TOX: variants seen among roughly 807,000 people sequenced by gnomAD.
TOX encodes the protein thymocyte selection associated high mobility group box.
A neutral mutation model predicts 53.7 loss-of-function variants in TOX; 11 were observed. That is an observed-to-expected ratio of 0.20 (90% CI 0.13 to 0.34). TOX has a LOEUF of 0.34. Among genes scored for constraint, TOX ranks in the 10% least tolerant of loss-of-function variants. The pLI is 1.00. For missense variants in TOX, 570 were observed against 664.6 expected (o/e 0.86, Z 1.56); for synonymous variants, 225 against 245.3 (o/e 0.92, Z 0.77).
At chr8:59,002,683 G>A (rs903605788) in intron 1 of TOX, among the ~76,000 whole-genome samples, 1 of 151,872 alleles carries the variant, frequency 6.6e-6, no homozygotes, top group African/African-American at 2.4e-5. Flanking sequence ...CATTTAGCAT[G>A]TATATGTCAC....
At chr8:58,995,219 A>T (rs1259598283) in intron 1 of TOX, among the ~76,000 whole-genome samples, 1 of 152,226 alleles carries the variant, frequency 6.6e-6, no homozygotes, top group Non-Finnish European at 1.5e-5. Context: ...AGCATTTATT[A>T]CAAATCCCAA....
intron 3 of TOX, among the ~76,000 whole-genome samples, chr8:58,923,194 T>C (rs13261596): frequency 0.043 from 6,496 of 152,184 alleles, 235 homozygotes; most frequent in East Asian, 0.2. Context: ...GTGTGGAGAA[T>C]GTATCATGGA....
At chr8:59,092,351 T>C (rs911287078) in intron 1 of TOX, among the ~76,000 whole-genome samples, 1 of 135,388 alleles carries the variant, frequency 7.4e-6, no homozygotes, top group African/African-American at 2.9e-5. Flanking sequence ...ATACATTATA[T>C]ATATTATATA....
At chr8:58,813,728 G>A (rs1810123456) in intron 7 of TOX, among the ~76,000 whole-genome samples, 1 of 152,162 alleles carries the variant, frequency 6.6e-6, no homozygotes, top group African/African-American at 2.4e-5. Context: ...AATCATCATA[G>A]CTTTAACAGT....
At chr8:59,010,661 A>G (rs1033118045) in intron 1 of TOX, among the ~76,000 whole-genome samples, 17 of 152,358 alleles carry the variant, frequency 1.1e-4, no homozygotes, top group African/African-American at 3.8e-4. Flanking sequence ...AACTGGGATA[A>G]TAATACCTAC....
intron 1 of TOX, among the ~76,000 whole-genome samples, chr8:59,005,373 T>C (rs1030278427): frequency 2.6e-5 from 4 of 152,180 alleles, no homozygotes. Flanking sequence ...TTTTTGAAAA[T>C]GATTACAAGT....
chr8:58,876,468 TG>T (rs1563376981), intron 3 of TOX, among the ~76,000 whole-genome samples: 1 of 151,684 alleles, frequency 6.6e-6, no homozygotes, highest in Non-Finnish European at 1.5e-5. Flanking sequence ...AATGCTGGGG[TG>T]GGGGGAAAGG....
intron 1 of TOX, among the ~76,000 whole-genome samples, chr8:59,086,280 C>T (rs1220557921): frequency 6.6e-6 from 1 of 152,078 alleles, no homozygotes; most frequent in African/African-American, 2.4e-5. Context: ...CCACCATACC[C>T]GGACTAAAGC....
intron 1 of TOX, among the ~76,000 whole-genome samples, chr8:58,997,273 T>C (rs1165573110): frequency 1.5e-5 from 2 of 137,678 alleles, no homozygotes; most frequent in Non-Finnish European, 3.2e-5. Context: ...GTGAAAGTTA[T>C]CGTGAAGATG....
At chr8:59,038,018 A>G (rs988862283) in intron 1 of TOX, among the ~76,000 whole-genome samples, 1 of 152,152 alleles carries the variant, frequency 6.6e-6, no homozygotes, top group Non-Finnish European at 1.5e-5. Flanking sequence ...TAGTGTCTCT[A>G]TGACTTTTGA....
In TOX at chr8:59,118,765, C is replaced by G. The variant is rs1020712858; in HGVS notation, c.102+121G>C. 1.9e-6 allele frequency: 1 copy of G among 539,844 alleles called. No individual in the cohort carries two copies. The highest frequency in any genetic ancestry group is 3.0e-6 in the Non-Finnish European group (1 of 330,826). The allele number at this position is 539,844 out of a possible 1,614,324, so 33.4% of individuals were successfully genotyped here. A position where few individuals can be genotyped will look rare whatever the true frequency, so the allele number is the denominator to read the frequency against. On this transcript the variant is annotated intron_variant, in intron 1 of 8. Transcript: ENST00000361421. This position sits in a 1 kb window ranked among gnomAD's most constrained non-coding sequence, Gnocchi z 4.1. ...AGCGCACGCAGGCTGCAGCGGGCTG[C>G]GAGCCGAGCGCGCCCGGGACCGGCC...
chr8:59,093,232 G>GT (rs1429543027), intron 1 of TOX, among the ~76,000 whole-genome samples: 3 of 152,200 alleles, frequency 2.0e-5, no homozygotes, highest in Non-Finnish European at 4.4e-5. Flanking sequence ...CTTACTGGTT[G>GT]TGAGTTCTTT....
intron 3 of TOX, among the ~76,000 whole-genome samples, chr8:58,914,391 T>C (rs893652860): frequency 6.6e-6 from 1 of 152,360 alleles, no homozygotes; most frequent in Non-Finnish European, 1.5e-5. Flanking sequence ...TTTTGCAGTA[T>C]GCTTTTAAGA....
chr8:58,987,648 T>A (rs1813358524), intron 1 of TOX, among the ~76,000 whole-genome samples: 1 of 152,180 alleles, frequency 6.6e-6, no homozygotes, highest in African/African-American at 2.4e-5. Context: ...GTCAACGACA[T>A]GAAAAGTCAG....
At chr8:59,011,573 C>A (rs1165290224) in intron 1 of TOX, among the ~76,000 whole-genome samples, 1 of 108,320 alleles carries the variant, frequency 9.2e-6, no homozygotes, top group Non-Finnish European at 2.4e-5. Flanking sequence ...TTCTTCCTAT[C>A]TTTTTTTCAA....
chr8:58,974,437 CG>C (rs1813056091), intron 1 of TOX, among the ~76,000 whole-genome samples: 1 of 152,090 alleles, frequency 6.6e-6, no homozygotes, highest in African/African-American at 2.4e-5. Flanking sequence ...ATTCTAAATC[CG>C]GCAATAAGTC....
intron 1 of TOX, among the ~76,000 whole-genome samples, chr8:59,019,778 T>C (rs922504892): frequency 5.9e-5 from 9 of 152,208 alleles, no homozygotes; most frequent in Non-Finnish European, 1.0e-4. Context: ...AATATGTGTG[T>C]GTTTCTACTT....
chr8:58,895,771 A>T (rs912136710), intron 3 of TOX, among the ~76,000 whole-genome samples: 1 of 152,200 alleles, frequency 6.6e-6, no homozygotes, highest in African/African-American at 2.4e-5. Flanking sequence ...CTGCTCTGGA[A>T]AGACCACCAG....
chr8:58,962,287 T>G (rs1812813091), intron 1 of TOX, among the ~76,000 whole-genome samples: 1 of 152,232 alleles, frequency 6.6e-6, no homozygotes, highest in Admixed American at 6.5e-5. Context: ...CATTTTACCA[T>G]AAAAGACTTG....
Sources: gnomAD v4.1 joint callset for allele counts (sites outside exome capture counted in the v4.1 genomes callset) on GRCh38, gnomAD v4.1.1 for gene constraint, Gnocchi (gnomAD v3.1) non-coding constraint, MANE v1.5 for transcripts, NCBI Gene and HGNC (gene_info 2026-07-23, HGNC 2026-07-21) for gene names.